The following P3H2 variants were observed in gnomAD, a reference collection of about 807,000 sequenced individuals.
P3H2 encodes the protein leprecan-like 1.
P3H2 carries 80 observed loss-of-function variants against 87.0 expected under a neutral mutation model. The ratio of observed to expected loss-of-function variants is 0.92; its 90% CI spans 0.77 to 1.11. The LOEUF (loss-of-function observed/expected upper bound fraction) is 1.11. Ranked by LOEUF, P3H2 falls within the 50% of genes least tolerant of loss-of-function variation. P3H2 has a pLI of 0.00. For synonymous variants in P3H2, 367 were observed against 359.3 expected, an observed-to-expected ratio of 1.02 and a Z score of -0.24; for missense variants, 1,001 against 923.9, an observed-to-expected ratio of 1.08 and a Z score of -1.08.
rs199616097 is a variant in P3H2 at position 189,986,768 on chromosome 3, C to G, written c.1188+20G>C. The G allele has an allele frequency of 6.6e-7, 1 of 1,507,914 alleles. No individual in the cohort carries two copies. The highest frequency in any genetic ancestry group is 2.3e-5 in the East Asian group (1 of 44,344). 93.4% of individuals were successfully genotyped at this position (1,507,914 alleles called of 1,614,324 possible). The stretch of plus-strand genomic sequence containing the variant: ...TCCACTGAATCATTATTTTAATAAA[C>G]GTTTCCTCTTTCCTCTTACCGGTTC... On this transcript the variant is annotated intron_variant, in intron 6 of 14. Transcript: ENST00000319332.
intron 1 of P3H2, among the ~76,000 whole-genome samples, chr3:190,016,796 C>T (rs7618958): frequency 1.3e-5 from 2 of 152,034 alleles, no homozygotes; most frequent in East Asian, 3.9e-4. Context: ...TCCCATGACC[C>T]CCTTCTTGCA....
intron 1 of P3H2, among the ~76,000 whole-genome samples, chr3:190,041,108 CTATA>C (rs146930683): frequency 8.9e-5 from 4 of 45,130 alleles, no homozygotes; most frequent in African/African-American, 1.7e-4. Context: ...TATATATATA[CTATA>C]TATATATATA....
intron 8 of P3H2, among the ~76,000 whole-genome samples, chr3:189,976,084 AT>A (rs1480908541): frequency 9.4e-6 from 1 of 106,838 alleles, no homozygotes; most frequent in African/African-American, 3.0e-5. Flanking sequence ...TTTTCTGAAA[AT>A]AAAAAGCTAC....
At chr3:189,961,006 T>C (rs1269110193) in intron 14 of P3H2, among the ~76,000 whole-genome samples, 1 of 151,668 alleles carries the variant, frequency 6.6e-6, no homozygotes, top group African/African-American at 2.4e-5. Flanking sequence ...AGTGGTGCGA[T>C]CTCGGGTTAC....
chr3:189,980,550 G>A (rs574557656), intron 8 of P3H2, among the ~76,000 whole-genome samples: 38 of 151,346 alleles, frequency 2.5e-4, no homozygotes, highest in African/African-American at 6.8e-4. Context: ...GGGACAGAGC[G>A]AGACTCCATC....
In P3H2 at chr3:190,031,453, C is replaced by T. The variant is rs535373698; in HGVS notation, c.481-36011G>A. On this transcript the variant is annotated intron_variant, in intron 1 of 14. Transcript: ENST00000319332. ...AGGAGTTCGAGACGAGTCTGGCCAA[C>T]ACGGTAAACCCTGTCTCTACTAAAA... Among the ~76,000 whole-genome samples, 4 of 152,064 alleles carry T rather than the reference C, an allele frequency of 2.6e-5. No homozygotes were observed. The South Asian group carries it at 6.2e-4, about 24-fold the overall frequency.
intron 1 of P3H2, among the ~76,000 whole-genome samples, chr3:190,078,618 C>T (rs918047424): frequency 6.6e-6 from 1 of 152,134 alleles, no homozygotes; most frequent in African/African-American, 2.4e-5. Flanking sequence ...GGGAGACATA[C>T]TATGACCCAA....
At chr3:190,004,852 T>C (rs1560358434) in intron 1 of P3H2, among the ~76,000 whole-genome samples, 1 of 150,782 alleles carries the variant, frequency 6.6e-6, no homozygotes. Context: ...GTGACTCAAT[T>C]AAAAAAAAAA....
At chr3:189,978,367 T>C (rs1351209391) in intron 8 of P3H2, among the ~76,000 whole-genome samples, 2 of 152,220 alleles carry the variant, frequency 1.3e-5, no homozygotes, top group Non-Finnish European at 2.9e-5. Flanking sequence ...ACTATCGTTA[T>C]TGTTGAATTA....
Position 189,958,059 on chromosome 3 carries a change from C to T in P3H2, c.2035-55G>A, listed in dbSNP as rs962287438. On this transcript the variant is annotated intron_variant, in intron 14 of 14. Coordinates refer to ENST00000319332, the MANE Select transcript of P3H2 (RefSeq NM_018192.4). Reference sequence around the variant, plus strand: ...TTACAAGCATAATAATCAGTCTCATCAGCAGACGCTTCCCAAACACTTCCT... The same window carrying T: ...TTACAAGCATAATAATCAGTCTCATTAGCAGACGCTTCCCAAACACTTCCT... 18 of 1,312,488 alleles carry T rather than the reference C, an allele frequency of 1.4e-5. No homozygotes were observed. In the Middle Eastern group the frequency reaches 1.1e-3, roughly 79 times the overall value. 81.3% of individuals were successfully genotyped at this position (1,312,488 alleles called of 1,614,324 possible).
At chr3:190,085,290 TGTAA>T (rs1179859604) in intron 1 of P3H2, among the ~76,000 whole-genome samples, 1 of 152,230 alleles carries the variant, frequency 6.6e-6, no homozygotes, top group Non-Finnish European at 1.5e-5. Flanking sequence ...GAATTTTTAG[TGTAA>T]GTGTGATGTT....
At chr3:189,966,873 C>T (rs1009427716) in intron 13 of P3H2, among the ~76,000 whole-genome samples, 2 of 152,110 alleles carry the variant, frequency 1.3e-5, no homozygotes, top group African/African-American at 4.8e-5. Context: ...TTTAGAAAAG[C>T]GTTTGTGCTG....
chr3:189,973,513 T>A (rs1189046401), intron 10 of P3H2, among the ~76,000 whole-genome samples: 15 of 17,626 alleles, frequency 8.5e-4, no homozygotes, highest in Non-Finnish European at 1.4e-3. Flanking sequence ...CTTTCTTTCT[T>A]TTTTTTTTTT....
chr3:190,074,571 A>T (rs1263692062), intron 1 of P3H2, among the ~76,000 whole-genome samples: 4 of 152,130 alleles, frequency 2.6e-5, no homozygotes. Flanking sequence ...CACCAAAAGC[A>T]TCACTGTAAA....
chr3:190,030,401 T>C (rs1725216285), intron 1 of P3H2, among the ~76,000 whole-genome samples: 1 of 152,070 alleles, frequency 6.6e-6, no homozygotes. Flanking sequence ...GCAAAACCTC[T>C]TGTCTAAAAA....
intron 1 of P3H2, among the ~76,000 whole-genome samples, chr3:190,045,795 T>C (rs1466939226): frequency 9.3e-5 from 14 of 150,822 alleles, no homozygotes; most frequent in Non-Finnish European, 1.6e-4. Context: ...AAGAAATTCC[T>C]CCTGTAGACA....
chr3:189,986,749 G>C, intron 6 of P3H2, 39 bp downstream of exon 6: 1 of 1,380,786 alleles, frequency 7.2e-7, no homozygotes, highest in Non-Finnish European at 1.0e-6. Context: ...GGATTCCACT[G>C]AATCATTATT....
At chr3:189,986,905 T>G (rs771842625) in intron 5 of P3H2, 28 bp from the exon 6 acceptor site, 2 of 1,470,296 alleles carry the variant, frequency 1.4e-6, no homozygotes, top group Admixed American at 3.3e-5. Flanking sequence ...AAGAAAGACA[T>G]TTTTTATTTA....
rs1723218265 is a variant in P3H2, at chr3:189,972,917, C to T, written c.1656G>A (p.Leu552=). Residue 552 remains leucine (L), a synonymous_variant, in exon 11 of 15, where the codon CTG becomes CTA. Transcript: ENST00000319332. ...AGACCATGTGTGTATAGGAAAAATA[C>T]AGAGTTGAGTTCAGCATAAAATAAG... ...VESYFMLNST[L]YFSYTHMVCR... 3.7e-6 allele frequency: 6 copies of T among 1,613,800 alleles called. No individual in the cohort carries two copies. The highest frequency in any genetic ancestry group is 4.2e-6 in the Non-Finnish European group (5 of 1,179,964).
Sources: gnomAD v4.1 joint callset for allele counts (sites outside exome capture counted in the v4.1 genomes callset) on GRCh38, gnomAD v4.1.1 for gene constraint, MANE v1.5 for transcripts, NCBI Gene and HGNC (gene_info 2026-07-23, HGNC 2026-07-21) for gene names.